The following XPR1 variants were observed in gnomAD, a reference collection of about 807,000 sequenced individuals.
The protein encoded by XPR1 is xenotropic and polytropic retrovirus receptor 1.
A neutral mutation model predicts 87.5 loss-of-function variants in XPR1; 28 were observed. That is an observed-to-expected ratio of 0.32 (90% CI 0.24 to 0.44). The LOEUF is 0.44. Ranked by LOEUF, XPR1 falls within the 20% of genes least tolerant of loss-of-function variation. The pLI, the probability that XPR1 is intolerant of heterozygous loss-of-function variation, is 1.00. For missense variants in XPR1, 559 were observed against 862.3 expected (o/e 0.65, Z 4.41); for synonymous variants, 300 against 306.1 (o/e 0.98, Z 0.21).
chr1:180,857,046 T>A (rs1354122461), intron 11 of XPR1, among the ~76,000 whole-genome samples: 1 of 152,250 alleles, frequency 6.6e-6, no homozygotes, highest in Non-Finnish European at 1.5e-5. Flanking sequence ...ATATATTAAA[T>A]GTAAAAGTGA....
rs557149393 is a variant in XPR1, at chr1:180,759,255, A to G, written c.122-28498A>G. On this transcript the variant is annotated intron_variant, in intron 2 of 14. Transcript: ENST00000367590. ...TTCAAAAGCTAGCAGAAGGCAAGAA[A>G]TAACTAAAATCAGAGCAGAACTGAA... Among the ~76,000 whole-genome samples the G allele has an allele frequency of 2.7e-3, 405 of 152,332 alleles. 2 individuals carry two copies. The highest frequency in any genetic ancestry group is 9.3e-3 in the African/African-American group (386 of 41,576).
chr1:180,863,958 T>A, intron 12 of XPR1, 84 bp downstream of exon 12: 1 of 1,076,648 alleles, frequency 9.3e-7, no homozygotes, highest in Non-Finnish European at 1.2e-6. Context: ...ACCCAACCTC[T>A]AATTATATTA....
intron 13 of XPR1, among the ~76,000 whole-genome samples, chr1:180,874,604 C>T (rs187010264): frequency 4.6e-5 from 7 of 152,054 alleles, no homozygotes; most frequent in East Asian, 3.9e-4. Context: ...GCAGGAGAAT[C>T]GCTTGAATCC....
At chr1:180,709,222 A>G (rs561628539) in intron 2 of XPR1, among the ~76,000 whole-genome samples, 2 of 152,358 alleles carry the variant, frequency 1.3e-5, no homozygotes, top group East Asian at 3.9e-4. Flanking sequence ...GGCCATAAGC[A>G]TGTAAAGTTT....
At chr1:180,735,902 A>G (rs1658713568) in intron 2 of XPR1, among the ~76,000 whole-genome samples, 1 of 151,986 alleles carries the variant, frequency 6.6e-6, no homozygotes, top group Non-Finnish European at 1.5e-5. Flanking sequence ...TTCTTTTCCC[A>G]TCTCTGGAGT....
intron 2 of XPR1, among the ~76,000 whole-genome samples, chr1:180,742,067 T>G (rs1266074387): frequency 1.3e-5 from 2 of 152,080 alleles, no homozygotes; most frequent in African/African-American, 4.8e-5. Flanking sequence ...TTTTGTTTGT[T>G]TTTTTTAAAT....
Position 180,880,173 on chromosome 1 carries a change from G to T in XPR1, c.1906G>T (p.Ala636Ser), listed in dbSNP as rs149236524. The T allele has an allele frequency of 3.1e-6, 5 of 1,614,152 alleles. No homozygotes were observed. The highest frequency in any genetic ancestry group is 4.2e-6 in the Non-Finnish European group (5 of 1,180,030). ...GGACATCTCTGTGGCCCCCCTGAAC[G>T]CAGATGATCAGACTCTCCTAGAACA... is the stretch of plus-strand genomic sequence containing the variant. ...VRDISVAPLN[A>S]DDQTLLEQMM... The change falls in exon 14 of 15, where the codon GCA becomes TCA. Residue 636 changes from alanine (A) to serine (S), a missense_variant. Transcript: ENST00000367590.
intron 11 of XPR1, among the ~76,000 whole-genome samples, chr1:180,839,961 C>T (rs369903606): frequency 9.2e-5 from 14 of 151,768 alleles, no homozygotes; most frequent in South Asian, 4.2e-4. Flanking sequence ...CGGTGGCTCA[C>T]GCCTGTAATC....
At chr1:180,752,471 C>T (rs1647571223) in intron 2 of XPR1, among the ~76,000 whole-genome samples, 1 of 152,076 alleles carries the variant, frequency 6.6e-6, no homozygotes, top group Non-Finnish European at 1.5e-5. Context: ...GCAGTAACAA[C>T]TTTTTACCAA....
chr1:180,875,548 T>C lies in XPR1; in HGVS notation c.1808+1606T>C, dbSNP rs143090532. Among the ~76,000 whole-genome samples the C allele has an allele frequency of 1.6e-3, 239 of 150,750 alleles. 1 individual carries two copies. The highest frequency in any genetic ancestry group is 5.5e-3 in the African/African-American group (225 of 41,090). On this transcript the variant is annotated intron_variant, in intron 13 of 14. Coordinates refer to ENST00000367590, the MANE Select transcript of XPR1 (RefSeq NM_004736.4). ...AAAAAATTTTTTTTTGAACAGAATGTAATTGAAAATGTGATAAAAGAGAAA... is the reference window on the plus strand; with the variant it reads ...AAAAAATTTTTTTTTGAACAGAATGCAATTGAAAATGTGATAAAAGAGAAA...
At chr1:180,697,920 G>A (rs536045440) in intron 2 of XPR1, among the ~76,000 whole-genome samples, 162 of 152,242 alleles carry the variant, frequency 1.1e-3, no homozygotes, top group African/African-American at 3.7e-3. Flanking sequence ...TGTTTATTCT[G>A]CACCTGTTGG....
At chr1:180,844,173 T>C (rs1001782620) in intron 11 of XPR1, among the ~76,000 whole-genome samples, 3 of 152,110 alleles carry the variant, frequency 2.0e-5, no homozygotes, top group African/African-American at 7.2e-5. Flanking sequence ...ATTACACCAT[T>C]GCACTCCAGC....
At chr1:180,698,924 G>T (rs1442635113) in intron 2 of XPR1, among the ~76,000 whole-genome samples, 5 of 146,136 alleles carry the variant, frequency 3.4e-5, no homozygotes, top group African/African-American at 1.2e-4. Context: ...ATTTTCTCTT[G>T]ATGTTTTCAG....
At chr1:180,834,052 A>G (rs1227032797) in intron 9 of XPR1, among the ~76,000 whole-genome samples, 1 of 152,128 alleles carries the variant, frequency 6.6e-6, no homozygotes, top group East Asian at 1.9e-4. Flanking sequence ...CAGAAGTCAC[A>G]AGTGTTTGAC....
chr1:180,744,650 C>CTTTCTTTTTTTT (rs1659024363), intron 2 of XPR1, among the ~76,000 whole-genome samples: 1 of 56,946 alleles, frequency 1.8e-5, no homozygotes, highest in Non-Finnish European at 3.7e-5. Flanking sequence ...GGCACAATTT[C>CTTTCTTTTTTTT]TTTCTTTTTT....
intron 2 of XPR1, among the ~76,000 whole-genome samples, chr1:180,767,912 T>C (rs891752167): frequency 3.3e-5 from 5 of 151,908 alleles, no homozygotes; most frequent in African/African-American, 1.2e-4. Context: ...TGGCGCAATC[T>C]CGGCTCACTG....
intron 2 of XPR1, among the ~76,000 whole-genome samples, chr1:180,724,275 A>G (rs1416318894): frequency 2.0e-5 from 3 of 152,208 alleles, no homozygotes; most frequent in South Asian, 4.1e-4. Context: ...AGCAGGGCCA[A>G]CTTACCCATT....
At chr1:180,825,426 G>T in intron 9 of XPR1, 82 bp downstream of exon 9, 1 of 1,394,690 alleles carries the variant, frequency 7.2e-7, no homozygotes, top group Admixed American at 2.3e-5. Flanking sequence ...AGGCTGCTAG[G>T]TTGTACAACT....
intron 2 of XPR1, among the ~76,000 whole-genome samples, chr1:180,762,390 C>A (rs1469735129): frequency 6.6e-6 from 1 of 152,040 alleles, no homozygotes; most frequent in South Asian, 2.1e-4. Context: ...ACGTTATGAA[C>A]AGAAGTTAAT....
Sources: allele counts gnomAD v4.1 joint callset (sites outside exome capture counted in the v4.1 genomes callset), GRCh38; gene constraint gnomAD v4.1.1; transcripts MANE v1.5; gene names NCBI Gene and HGNC (gene_info 2026-07-23, HGNC 2026-07-21).